Variants in SCYL2 observed in about 807,000 individuals in gnomAD.
The protein encoded by SCYL2 is SCY1-like protein 2.
In SCYL2, 36 loss-of-function variants were observed where a neutral mutation model predicts 100.4. The ratio of observed to expected loss-of-function variants is 0.36; its 90% CI spans 0.27 to 0.47. The LOEUF (loss-of-function observed/expected upper bound fraction) is 0.47. Among genes scored for constraint, SCYL2 ranks in the 20% least tolerant of loss-of-function variants. The pLI, the probability that SCYL2 is intolerant of heterozygous loss-of-function variation, is 1.00. For synonymous variants in SCYL2, 330 were observed against 359.2 expected, an observed-to-expected ratio of 0.92 and a Z score of 0.92; for missense variants, 902 against 1,083.9, an observed-to-expected ratio of 0.83 and a Z score of 2.36.
In SCYL2 at chr12:100,326,790, A is replaced by G. The variant is rs570929018; in HGVS notation, c.1642+36A>G. 10 of 1,578,898 alleles carry G rather than the reference A, an allele frequency of 6.3e-6. 1 individual carries two copies. The South Asian group carries it at 1.2e-4, about 18-fold the overall frequency. ...ATTTAATGTCATTTGATGCTATTTT[A>G]TCATGCAAATAAATTTTCCAATCTA... On this transcript the variant is annotated intron_variant, in intron 12 of 17. Coordinates refer to ENST00000360820, the MANE Select transcript of SCYL2 (RefSeq NM_017988.6).
At chr12:100,298,199 A>T in intron 4 of SCYL2, 24 bp downstream of exon 4, 1 of 1,469,934 alleles carries the variant, frequency 6.8e-7, no homozygotes, top group East Asian at 2.5e-5. Flanking sequence ...TTCATCATGT[A>T]AAAAAGAGTT....
chr12:100,281,019 G>GTTTTGTTTTTTTTTTTTTTTTTTT (rs2096297553), intron 1 of SCYL2, among the ~76,000 whole-genome samples: 5 of 50,466 alleles, frequency 9.9e-5, no homozygotes, highest in African/African-American at 3.4e-4. Flanking sequence ...TACCATCAGT[G>GTTTTGTTTTTTTTTTTTTTTTTTT]TTTTTTTTTT....
At chr12:100,322,524 A>G (rs1017204316) in intron 10 of SCYL2, among the ~76,000 whole-genome samples, 4 of 152,166 alleles carry the variant, frequency 2.6e-5, no homozygotes, top group African/African-American at 9.6e-5. Flanking sequence ...TGAGAGGCCA[A>G]GGTGAGAGGA....
intron 12 of SCYL2, among the ~76,000 whole-genome samples, chr12:100,327,777 G>A (rs895661000): frequency 2.6e-5 from 4 of 151,598 alleles, no homozygotes; most frequent in African/African-American, 4.8e-5. Context: ...GCCTCCCAAA[G>A]TGCTGGGATT....
chr12:100,295,640 A>G, intron 3 of SCYL2, among the ~76,000 whole-genome samples: 1 of 152,126 alleles, frequency 6.6e-6, no homozygotes, highest in Non-Finnish European at 1.5e-5. Context: ...GTGAGCCGAG[A>G]TGGCAGCAGT....
intron 13 of SCYL2, among the ~76,000 whole-genome samples, chr12:100,330,736 G>A (rs531867198): frequency 1.3e-5 from 2 of 152,154 alleles, no homozygotes; most frequent in East Asian, 3.9e-4. Flanking sequence ...AGTTTTGGAG[G>A]TAGAGAAATT....
At chr12:100,318,589 C>T (rs574166513) in intron 10 of SCYL2, among the ~76,000 whole-genome samples, 33 of 152,276 alleles carry the variant, frequency 2.2e-4, no homozygotes, top group African/African-American at 7.9e-4. Context: ...GCCTCAGCCT[C>T]CCAAAGTACT....
rs765525831 is a variant in SCYL2, at chr12:100,291,495, T to G, written c.178-8T>G. ...TCTTGACTAAAATTACACAATTCTT[T>G]TATTTAGGAAGTGGCAGTTTTTGTC... On this transcript the variant is annotated splice_polypyrimidine_tract_variant and splice_region_variant and intron_variant, in intron 2 of 17. Coordinates refer to ENST00000360820, the MANE Select transcript of SCYL2 (RefSeq NM_017988.6). 6.7e-7 allele frequency: 1 copy of G among 1,493,274 alleles called. No individual in the cohort carries two copies. Among genetic ancestry groups the G allele is most frequent in the Admixed American group, 2.3e-5 (1 of 43,796 alleles). The allele number at this position is 1,493,274 out of a possible 1,614,324, so 92.5% of individuals were successfully genotyped here.
intron 1 of SCYL2, among the ~76,000 whole-genome samples, chr12:100,272,943 C>T (rs1163867705): frequency 6.6e-6 from 1 of 151,972 alleles, no homozygotes; most frequent in Non-Finnish European, 1.5e-5. Flanking sequence ...CTTTACCCAC[C>T]ATCTCTTCTC....
At chr12:100,294,505 G>C (rs1330767439) in intron 3 of SCYL2, among the ~76,000 whole-genome samples, 1 of 117,328 alleles carries the variant, frequency 8.5e-6, no homozygotes, top group African/African-American at 3.6e-5. Context: ...TGGCCAGGCG[G>C]GGGGCTGACT....
Position 100,337,423 on chromosome 12 carries a change from A to G in SCYL2, c.2062A>G (p.Lys688Glu). Residue 688 changes from lysine to glutamate, a missense_variant, in exon 17 of 18, where the codon AAA becomes GAA. By Grantham distance (56) the Lys-to-Glu change is moderately conservative (BLOSUM62 1). Coordinates refer to ENST00000360820, the MANE Select transcript of SCYL2 (RefSeq NM_017988.6). ...ACTTGAAGAAAAACAAAAATTAGCA[A>G]AAGAACAAGAGCAGGCACAGAAGCT... ...LTLEEKQKLA[K>E]EQEQAQKLKS... 1 of 1,601,796 alleles carries G rather than the reference A, an allele frequency of 6.2e-7. No individual in the cohort carries two copies. Among genetic ancestry groups the G allele is most frequent in the South Asian group, 1.1e-5 (1 of 87,874 alleles).
At chr12:100,275,772 G>A (rs188583240) in intron 1 of SCYL2, among the ~76,000 whole-genome samples, 2 of 152,314 alleles carry the variant, frequency 1.3e-5, no homozygotes, top group African/African-American at 4.8e-5. Context: ...AGGGAGAAAA[G>A]TGGTTAGTAT....
chr12:100,291,439 C>A, intron 2 of SCYL2, 64 bp from the exon 3 acceptor site: 1 of 1,077,044 alleles, frequency 9.3e-7, no homozygotes, highest in Non-Finnish European at 1.3e-6. Context: ...TAGATTGTGA[C>A]ATTCATATAA....
intron 1 of SCYL2, among the ~76,000 whole-genome samples, chr12:100,271,260 C>CAAAAAAAAAAAAA (rs11354103): frequency 2.4e-5 from 2 of 83,338 alleles, no homozygotes; most frequent in African/African-American, 1.1e-4. Context: ...TGCAGAGCAG[C>CAAAAAAAAAAAAA]AAAAAAAAAA....
intron 11 of SCYL2, among the ~76,000 whole-genome samples, chr12:100,326,140 T>C (rs1203681028): frequency 1.3e-5 from 2 of 152,122 alleles, no homozygotes; most frequent in Non-Finnish European, 2.9e-5. Context: ...AATAACTGTA[T>C]ATTTGGAAAT....
chr12:100,309,126 G>GTT (rs2096338550), intron 4 of SCYL2, among the ~76,000 whole-genome samples: 2 of 151,850 alleles, frequency 1.3e-5, no homozygotes, highest in Admixed American at 6.6e-5. Context: ...GTGTGTGTGT[G>GTT]TGTGTGTGCG....
intron 17 of SCYL2, 106 bp downstream of exon 17, chr12:100,337,612 A>G (rs1333915147): frequency 8.4e-6 from 9 of 1,065,402 alleles, no homozygotes; most frequent in Admixed American, 2.1e-5. Context: ...ATCTCAAATA[A>G]TACCTTAATA....
chr12:100,334,943 A>G (rs1033332427), intron 14 of SCYL2, among the ~76,000 whole-genome samples: 1 of 152,018 alleles, frequency 6.6e-6, no homozygotes, highest in Non-Finnish European at 1.5e-5. Flanking sequence ...ATCATGAACA[A>G]GGTCCCCAAG....
At position 100,340,298 on chromosome 12, in the gene SCYL2, GAATC is replaced by G; in HGVS notation, c.*1130_*1133del. On this transcript the variant is annotated 3_prime_UTR_variant, in exon 18 of 18. Coordinates refer to ENST00000360820, the MANE Select transcript of SCYL2 (RefSeq NM_017988.6). ...CTATTAGCCATTTTTAGGAAGGAAA[GAATC>G]AATTCTCTTAACAGGAAACATGCTT... The G allele has an allele frequency of 1.3e-5, 2 of 152,416 alleles. No homozygotes were observed. Among genetic ancestry groups the G allele is most frequent in the Middle Eastern group, 6.8e-3 (2 of 294 alleles). 9.4% of individuals were successfully genotyped at this position (152,416 alleles called of 1,614,324 possible).
Sources: allele counts gnomAD v4.1 joint callset (sites outside exome capture counted in the v4.1 genomes callset), GRCh38; gene constraint gnomAD v4.1.1; transcripts MANE v1.5; gene names NCBI Gene and HGNC (gene_info 2026-07-23, HGNC 2026-07-21).